Variants in PKLR observed in about 807,000 individuals in gnomAD.
PKLR encodes the protein pyruvate kinase L/R.
PKLR carries 38 observed loss-of-function variants against 53.6 expected under a neutral mutation model. The observed-to-expected ratio is 0.71, with a 90% confidence interval of 0.55 to 0.93. PKLR has a LOEUF of 0.93. Among genes scored for constraint, PKLR ranks in the 40% least tolerant of loss-of-function variants. The pLI, the probability that PKLR is intolerant of heterozygous loss-of-function variation, is 0.00. For synonymous variants in PKLR, 328 were observed against 316.2 expected, an observed-to-expected ratio of 1.04 and a Z score of -0.39; for missense variants, 702 against 787.3, an observed-to-expected ratio of 0.89 and a Z score of 1.30.
upstream of PKLR, among the ~76,000 whole-genome samples, chr1:155,302,909 T>C (rs1648106268): frequency 3.3e-5 from 5 of 152,182 alleles, no homozygotes; most frequent in Admixed American, 3.3e-4. Flanking sequence ...TTTATTTTTG[T>C]AGAGACTGGT....
chr1:155,308,531 T>C, the PKLR span: 6 of 983,554 alleles, frequency 6.1e-6, no homozygotes, highest in African/African-American at 1.7e-5. Flanking sequence ...GTGAGAAAGC[T>C]AGTCCTGCTG....
At chr1:155,298,124 C>G (rs1344924662) in intron 2 of PKLR, among the ~76,000 whole-genome samples, 1 of 152,124 alleles carries the variant, frequency 6.6e-6, no homozygotes, top group Non-Finnish European at 1.5e-5. Flanking sequence ...CTGCTCCCTG[C>G]CTTCCAGTTC....
rs1268391594 is a variant in PKLR at position 155,300,267 on chromosome 1, A to G, written c.114T>C (p.Tyr38=). The G allele has an allele frequency of 6.3e-7, 1 of 1,595,610 alleles. No homozygotes were observed. The highest frequency in any genetic ancestry group is 1.3e-5 in the African/African-American group (1 of 74,480). The stretch of plus-strand genomic sequence containing the variant: ...GTTGGGCCACACTGGCCCGCCGCAG[A>G]TACCCCGCTGGCCCTGTGGTAGAAG... ...LIGAPGGPAG[Y]LRRASVAQLT... The change falls in exon 2 of 11, where the codon TAT becomes TAC. Residue 38 remains tyrosine (Y), a synonymous_variant. Transcript: ENST00000342741.
At chr1:155,304,952 C>T (rs1321593322), upstream of PKLR, among the ~76,000 whole-genome samples, 1 of 152,152 alleles carries the variant, frequency 6.6e-6, no homozygotes, top group Non-Finnish European at 1.5e-5. Context: ...TGTTCCTTTT[C>T]CACTCTGCTG....
Position 155,293,580 on chromosome 1 carries a change from C to T in PKLR, c.1127G>A (p.Ser376Asn). ...PVVCATQMLE[S>N]MITKPRPTRA... ...CGTTGGCCGGGGCTTGGTAATCATG[C>T]TCTCCAGCATCTGGGGGACAGCGTG... The change falls in exon 8 of 11, where the codon AGC becomes AAC. Residue 376 changes from serine (S) to asparagine (N), a missense_variant. Around this residue, in one of 2 missense-constraint regions of PKLR, gnomAD observed 519 missense variants for 537.1 expected, o/e 0.97. Transcript: ENST00000342741. This position sits in a 1 kb window ranked among gnomAD's most constrained non-coding sequence, Gnocchi z 4.2. 1 of 1,614,192 alleles carries T rather than the reference C, an allele frequency of 6.2e-7. No homozygotes were observed. The highest frequency in any genetic ancestry group is 8.5e-7 in the Non-Finnish European group (1 of 1,180,018).
chr1:155,293,552 C>T lies in PKLR; in HGVS notation c.1155G>A (p.Arg385=). The T allele has an allele frequency of 6.2e-7, 1 of 1,614,176 alleles. No individual in the cohort carries two copies. The part of the protein sequence containing the change: ...ESMITKPRPT[R]AETSDVANAV... The stretch of plus-strand genomic sequence containing the variant: ...CATTGGCGACATCGCTTGTCTCTGC[C>T]CTCGTTGGCCGGGGCTTGGTAATCA... Residue 385 remains arginine, a synonymous_variant, in exon 8 of 11, where the codon AGG becomes AGA. Transcript: ENST00000342741. This position sits in a 1 kb window ranked among gnomAD's most constrained non-coding sequence, Gnocchi z 4.2.
chr1:155,308,255 G>T, the PKLR span, among the ~76,000 whole-genome samples: 13 of 151,238 alleles, frequency 8.6e-5, no homozygotes, highest in Admixed American at 8.6e-4. Context: ...TTTTAGTAGA[G>T]ACGGGGTTTC....
upstream of PKLR, chr1:155,301,439 G>C: frequency 6.2e-7 from 1 of 1,613,894 alleles, no homozygotes; most frequent in Non-Finnish European, 8.5e-7. Context: ...GGAATGAGAG[G>C]GAGAGGATGA....
chr1:155,295,813 A>T lies in PKLR; in HGVS notation c.284-57T>A. ...TCCCCCAGAACATGAGAGGCAACCA[A>T]ACCCAACCCATTACCATTCTCAGAA... On this transcript the variant is annotated intron_variant, in intron 2 of 10. Transcript: ENST00000342741. This position sits in a 1 kb window ranked among gnomAD's most constrained non-coding sequence, Gnocchi z 4.3. The T allele has an allele frequency of 6.9e-7, 1 of 1,449,838 alleles. No individual in the cohort carries two copies. Among genetic ancestry groups the T allele is most frequent in the Non-Finnish European group, 9.7e-7 (1 of 1,031,298 alleles). 89.8% of individuals were successfully genotyped at this position (1,449,838 alleles called of 1,614,324 possible).
the PKLR span, among the ~76,000 whole-genome samples, chr1:155,306,484 G>A: frequency 6.6e-6 from 1 of 152,160 alleles, no homozygotes; most frequent in African/African-American, 2.4e-5. This position sits in a 1 kb window ranked among gnomAD's most constrained non-coding sequence, Gnocchi z 4.2. Flanking sequence ...GGAAGTCGGG[G>A]GGCACTGACA....
At chr1:155,300,686 C>T (rs1647943442) in intron 1 of PKLR, among the ~76,000 whole-genome samples, 1 of 152,114 alleles carries the variant, frequency 6.6e-6, no homozygotes. Context: ...CCAGCAGCCT[C>T]ACCCTATGCA....
intron 9 of PKLR, 83 bp from the exon 10 acceptor site, chr1:155,292,020 G>T: frequency 7.5e-7 from 1 of 1,334,336 alleles, no homozygotes; most frequent in Non-Finnish European, 1.1e-6. Context: ...AGTTCCAGGT[G>T]TCACTAACAA....
chr1:155,299,069 C>T (rs186226317), intron 2 of PKLR, among the ~76,000 whole-genome samples: 2,482 of 138,180 alleles, frequency 0.018, 148 homozygotes, highest in African/African-American at 0.066. Context: ...TCCTTCCTTC[C>T]TTCTTTCTTT....
At chr1:155,290,716 T>C (rs1391943398) in intron 10 of PKLR, 38 bp from the exon 11 acceptor site, 1 of 1,273,124 alleles carries the variant, frequency 7.9e-7, no homozygotes, top group Admixed American at 1.7e-5. Flanking sequence ...TGGACAGGTG[T>C]GGTGGCTCAC....
intron 2 of PKLR, among the ~76,000 whole-genome samples, chr1:155,297,258 A>G (rs1478492619): frequency 1.3e-5 from 2 of 151,960 alleles, no homozygotes; most frequent in African/African-American, 2.4e-5. Flanking sequence ...TGCCCCCTCT[A>G]TCACATTTGG....
At chr1:155,300,953 G>A in intron 1 of PKLR, 1 of 1,586,284 alleles carries the variant, frequency 6.3e-7, no homozygotes, top group Non-Finnish European at 8.6e-7. Context: ...GTTGTCAGAG[G>A]CATGAGGCCC....
the PKLR span, among the ~76,000 whole-genome samples, chr1:155,307,597 A>T: frequency 6.6e-6 from 1 of 152,236 alleles, no homozygotes; most frequent in Non-Finnish European, 1.5e-5. Flanking sequence ...TACTCCTACC[A>T]CATGCTGTGT....
Position 155,293,557 on chromosome 1 carries a change from T to C in PKLR, c.1150A>G (p.Thr384Ala). ...GCGACATCGCTTGTCTCTGCCCTCG[T>C]TGGCCGGGGCTTGGTAATCATGCTC... ...LESMITKPRP[T>A]RAETSDVANA... The change falls in exon 8 of 11, where the codon ACG (threonine) becomes GCG (alanine). Residue 384 changes from threonine (T) to alanine (A), a missense_variant. This residue lies in a region of PKLR where 519 missense variants were observed against 537.1 expected (regional missense o/e 0.97). Transcript: ENST00000342741. The surrounding 1 kb of genome is among the most constrained non-coding windows in gnomAD (Gnocchi z 4.2). 6.2e-7 allele frequency: 1 copy of C among 1,614,204 alleles called. No homozygotes were observed. The highest frequency in any genetic ancestry group is 8.5e-7 in the Non-Finnish European group (1 of 1,180,024).
intron 1 of PKLR, chr1:155,300,827 G>T: frequency 6.3e-7 from 1 of 1,598,904 alleles, no homozygotes; most frequent in South Asian, 1.1e-5. Context: ...AGACACAGAG[G>T]TCCCTGTAGC....
Sources: gnomAD v4.1 joint callset for allele counts (sites outside exome capture counted in the v4.1 genomes callset) on GRCh38, gnomAD v4.1.1 for gene constraint, gnomAD v4.1.1 regional missense constraint, Gnocchi (gnomAD v3.1) non-coding constraint, MANE v1.5 for transcripts, NCBI Gene and HGNC (gene_info 2026-07-23, HGNC 2026-07-21) for gene names.